DCAF6: variants seen among roughly 807,000 people sequenced by gnomAD.
DCAF6 encodes DDB1 and CUL4 associated factor 6.
In DCAF6, 54 loss-of-function variants were observed where a neutral mutation model predicts 125.1. The ratio of observed to expected loss-of-function variants is 0.43; its 90% confidence interval spans 0.35 to 0.54. The LOEUF is 0.54. Ranked by LOEUF, DCAF6 falls within the 20% of genes least tolerant of loss-of-function variation. DCAF6 has a pLI of 0.01. For synonymous variants in DCAF6, 371 were observed against 390.4 expected (o/e 0.95, Z 0.58); for missense variants, 934 against 1,161.7 (o/e 0.80, Z 2.85).
chr1:167,925,494 C>CAT, the DCAF6 span, among the ~76,000 whole-genome samples: 7 of 125,216 alleles, frequency 5.6e-5, 1 homozygote, highest in Non-Finnish European at 8.5e-5. Flanking sequence ...TATACACACA[C>CAT]ATATATATAT....
chr1:167,924,547 A>C, the DCAF6 span: 1 of 1,517,574 alleles, frequency 6.6e-7, no homozygotes, highest in African/African-American at 1.4e-5. Context: ...CCTGAAAAAA[A>C]AAAGAAAAGA....
the DCAF6 span, among the ~76,000 whole-genome samples, chr1:167,928,895 A>G: frequency 1.3e-5 from 2 of 152,238 alleles, no homozygotes; most frequent in East Asian, 3.8e-4. Flanking sequence ...CTCATAAGAC[A>G]TTAATTTATA....
chr1:168,002,961 A>G (rs375047477), intron 8 of DCAF6, among the ~76,000 whole-genome samples: 12 of 152,164 alleles, frequency 7.9e-5, no homozygotes, highest in Non-Finnish European at 1.5e-5. Context: ...AATGTTTTCT[A>G]TCAAGTGCCT....
chr1:168,014,921 C>T (rs1684756928), intron 10 of DCAF6, among the ~76,000 whole-genome samples: 1 of 152,152 alleles, frequency 6.6e-6, no homozygotes, highest in African/African-American at 2.4e-5. Flanking sequence ...CATCATTATT[C>T]ACTATCCCCT....
intron 11 of DCAF6, among the ~76,000 whole-genome samples, chr1:168,016,821 A>C (rs1314547576): frequency 3.9e-5 from 6 of 152,068 alleles, no homozygotes; most frequent in Admixed American, 1.3e-4. Context: ...TTCTCATACT[A>C]ATCAGTTTAT....
chr1:167,920,481 G>A, the DCAF6 span: 1 of 1,508,172 alleles, frequency 6.6e-7, no homozygotes. Flanking sequence ...TAAATAAACT[G>A]ATATAAAAGA....
intron 20 of DCAF6, among the ~76,000 whole-genome samples, chr1:168,068,073 G>A (rs1692571504): frequency 1.3e-5 from 2 of 152,182 alleles, no homozygotes; most frequent in South Asian, 4.1e-4. Flanking sequence ...CAAATTGCAA[G>A]TAAAAGCTAA....
At chr1:168,017,820 A>T (rs938993118) in intron 11 of DCAF6, among the ~76,000 whole-genome samples, 3 of 152,150 alleles carry the variant, frequency 2.0e-5, no homozygotes, top group African/African-American at 4.8e-5. Context: ...TAATAATAGA[A>T]GAATGTGCGT....
the DCAF6 span, among the ~76,000 whole-genome samples, chr1:167,872,859 C>A: frequency 6.6e-6 from 1 of 151,126 alleles, no homozygotes; most frequent in Non-Finnish European, 1.5e-5. Flanking sequence ...ATCACGAGAT[C>A]AGGAGTTCAA....
chr1:167,942,785 C>T (rs981870538), intron 1 of DCAF6, among the ~76,000 whole-genome samples: 21 of 152,172 alleles, frequency 1.4e-4, no homozygotes, highest in Admixed American at 1.2e-3. Flanking sequence ...GGAAAGACTA[C>T]TTTTTTCCCT....
chr1:167,888,643 G>A, the DCAF6 span, among the ~76,000 whole-genome samples: 6 of 152,020 alleles, frequency 3.9e-5, no homozygotes, highest in Non-Finnish European at 5.9e-5. Context: ...TTGGGAGGCC[G>A]AGGCGGGCGG....
chr1:168,071,420 A>G (rs547964571), intron 21 of DCAF6, among the ~76,000 whole-genome samples: 1 of 152,332 alleles, frequency 6.6e-6, no homozygotes, highest in African/African-American at 2.4e-5. Context: ...CCTCGCCAAC[A>G]TGGCAAAACC....
chr1:167,894,199 T>C, the DCAF6 span, among the ~76,000 whole-genome samples: 1 of 152,162 alleles, frequency 6.6e-6, no homozygotes, highest in Admixed American at 6.5e-5. Context: ...CTTTGGGACT[T>C]AGGGAGATTT....
intron 18 of DCAF6, 93 bp downstream of exon 18, chr1:168,063,852 G>T: frequency 2.5e-6 from 3 of 1,219,364 alleles, no homozygotes; most frequent in Non-Finnish European, 3.5e-6. Flanking sequence ...TTGCCAATGG[G>T]ATTTCAGTAT....
At position 168,063,763 on chromosome 1, in the gene DCAF6, C is replaced by T. The variant is rs1292639306; in HGVS notation, c.2439+4C>T. 2 of 1,595,006 alleles carry T rather than the reference C, an allele frequency of 1.3e-6. No homozygotes were observed. Among genetic ancestry groups the T allele is most frequent in the Non-Finnish European group, 1.7e-6 (2 of 1,173,696 alleles). ...CCATCGCAACTCCAGGACAATGGTA[C>T]CAAATGTTCATGGCATTTTTTGGTG... On this transcript the variant is annotated splice_donor_region_variant and intron_variant, in intron 18 of 21. Transcript: ENST00000367840.
chr1:168,045,976 G>A (rs1689113598), intron 16 of DCAF6, among the ~76,000 whole-genome samples: 1 of 151,966 alleles, frequency 6.6e-6, no homozygotes, highest in South Asian at 2.1e-4. Flanking sequence ...GTTTACAAAG[G>A]AGTGAGATTC....
intron 13 of DCAF6, among the ~76,000 whole-genome samples, chr1:168,042,557 A>G (rs1558018450): frequency 6.6e-6 from 1 of 151,902 alleles, no homozygotes; most frequent in Non-Finnish European, 1.5e-5. Context: ...GAAGTGATCC[A>G]CAGGGAGCAG....
intron 17 of DCAF6, among the ~76,000 whole-genome samples, chr1:168,060,179 T>C (rs1350261227): frequency 1.3e-5 from 2 of 152,262 alleles, no homozygotes; most frequent in East Asian, 3.9e-4. Flanking sequence ...GTAGATATTT[T>C]GAGTTTTGGT....
the DCAF6 span, among the ~76,000 whole-genome samples, chr1:167,879,094 C>T: frequency 6.6e-6 from 1 of 152,186 alleles, no homozygotes; most frequent in Non-Finnish European, 1.5e-5. Flanking sequence ...AGTAAATGGG[C>T]TAGAAGAGGC....
Sources: gnomAD v4.1 joint callset for allele counts (sites outside exome capture counted in the v4.1 genomes callset) on GRCh38, gnomAD v4.1.1 for gene constraint, MANE v1.5 for transcripts, NCBI Gene and HGNC (gene_info 2026-07-23, HGNC 2026-07-21) for gene names.